Variants in BTRC observed in about 807,000 individuals in gnomAD.
BTRC encodes the protein beta-transducin repeat containing E3 ubiquitin protein ligase.
In BTRC, 42 loss-of-function variants were observed where a neutral mutation model predicts 85.5. The observed-to-expected ratio is 0.49, with a 90% confidence interval of 0.38 to 0.64. The LOEUF (loss-of-function observed/expected upper bound fraction) is 0.64, where lower values mean the gene tolerates loss of function less well. Ranked by LOEUF, BTRC falls within the 30% of genes least tolerant of loss-of-function variation. BTRC has a pLI of 0.00. For missense variants in BTRC, 594 were observed against 743.5 expected (o/e 0.80, Z 2.34); for synonymous variants, 255 against 263.3 (o/e 0.97, Z 0.30).
intron 2 of BTRC, among the ~76,000 whole-genome samples, chr10:101,441,713 C>T (rs1944682596): frequency 1.3e-5 from 2 of 151,864 alleles, no homozygotes; most frequent in Non-Finnish European, 2.9e-5. Flanking sequence ...AACCCAGTCA[C>T]TACTAAAAAT....
chr10:101,403,267 G>A (rs1189565599), intron 1 of BTRC, among the ~76,000 whole-genome samples: 2 of 152,128 alleles, frequency 1.3e-5, no homozygotes, highest in Admixed American at 1.3e-4. Context: ...AGTATTTTAA[G>A]GGTACAGAGA....
intron 4 of BTRC, among the ~76,000 whole-genome samples, chr10:101,503,969 T>G (rs1946454506): frequency 6.6e-6 from 1 of 152,206 alleles, no homozygotes; most frequent in Non-Finnish European, 1.5e-5. Context: ...ACTTTTTAAC[T>G]GTTTTACATG....
chr10:101,390,241 A>G (rs1178855621), intron 1 of BTRC, among the ~76,000 whole-genome samples: 6 of 151,940 alleles, frequency 3.9e-5, no homozygotes, highest in Non-Finnish European at 7.4e-5. Context: ...TAAACTGCCC[A>G]TCCTGCTTCC....
At chr10:101,505,252 C>T (rs915253315) in intron 4 of BTRC, among the ~76,000 whole-genome samples, 64 of 145,134 alleles carry the variant, frequency 4.4e-4, no homozygotes, top group Admixed American at 1.4e-3. Context: ...GATCCGCCTG[C>T]CTCAGCCTCC....
chr10:101,388,726 A>G (rs767096156), intron 1 of BTRC, among the ~76,000 whole-genome samples: 3 of 152,098 alleles, frequency 2.0e-5, no homozygotes, highest in Non-Finnish European at 4.4e-5. Context: ...CCTGGCCTCA[A>G]GCAATCTGCC....
intron 1 of BTRC, among the ~76,000 whole-genome samples, chr10:101,372,722 G>A (rs773218641): frequency 4.0e-5 from 6 of 151,522 alleles, no homozygotes; most frequent in Non-Finnish European, 8.8e-5. Flanking sequence ...AAAATTAGCC[G>A]GGCATGGTGG....
At chr10:101,356,071 T>C (rs932269864) in intron 1 of BTRC, among the ~76,000 whole-genome samples, 1 of 152,152 alleles carries the variant, frequency 6.6e-6, no homozygotes, top group Non-Finnish European at 1.5e-5. Context: ...CAGGCTGGAG[T>C]GCAGTGGTGC....
intron 2 of BTRC, among the ~76,000 whole-genome samples, chr10:101,430,842 CTTA>C (rs1228654576): frequency 6.6e-6 from 1 of 152,040 alleles, no homozygotes; most frequent in Non-Finnish European, 1.5e-5. Flanking sequence ...TGAACATTTT[CTTA>C]TTTTTTTTAA....
intron 1 of BTRC, among the ~76,000 whole-genome samples, chr10:101,386,326 T>G (rs1943078728): frequency 2.6e-5 from 4 of 152,214 alleles, no homozygotes; most frequent in Non-Finnish European, 4.4e-5. Context: ...CTCTGTTCTG[T>G]CAAGGTCAGC....
chr10:101,465,354 ATTG>A, intron 3 of BTRC, among the ~76,000 whole-genome samples: 1 of 152,322 alleles, frequency 6.6e-6, no homozygotes, highest in African/African-American at 2.4e-5. Context: ...GCGTTTTGCC[ATTG>A]TTGATAGGAC....
In BTRC at chr10:101,544,604, T is replaced by C. The variant is rs571620934; in HGVS notation, c.1657-6095T>C. Among the ~76,000 whole-genome samples the C allele has an allele frequency of 1.1e-4, 17 of 152,160 alleles. No homozygotes were observed. The East Asian group carries it at 3.1e-3, about 28-fold the overall frequency. On this transcript the variant is annotated intron_variant, in intron 13 of 14. Transcript: ENST00000370187. The stretch of plus-strand genomic sequence containing the variant: ...TTATTTTTTTAGAGATAGGGTCTCA[T>C]TGTGTTGCCCAGACTGGTCTTGAAC...
chr10:101,459,140 A>T lies in BTRC; in HGVS notation c.157-2841A>T, dbSNP rs77699805. ...GCACCCAATGATGATTCTTCCTTATATTAATCACTTATCCTTAAATAGAAT... is the reference window on the plus strand; with the variant it reads ...GCACCCAATGATGATTCTTCCTTATTTTAATCACTTATCCTTAAATAGAAT... On this transcript the variant is annotated intron_variant, in intron 2 of 14. Transcript: ENST00000370187. Among the ~76,000 whole-genome samples the T allele has an allele frequency of 1.3e-3, 201 of 152,324 alleles. 6 individuals are homozygous for T. The East Asian group carries it at 0.035, about 26-fold the overall frequency.
At chr10:101,356,867 C>T (rs953596160) in intron 1 of BTRC, among the ~76,000 whole-genome samples, 1 of 152,188 alleles carries the variant, frequency 6.6e-6, no homozygotes, top group South Asian at 2.1e-4. Flanking sequence ...TGCGGTGGCT[C>T]ATGCCTGTAA....
chr10:101,464,722 A>C (rs1945327252), intron 3 of BTRC, among the ~76,000 whole-genome samples: 1 of 152,202 alleles, frequency 6.6e-6, no homozygotes, highest in Non-Finnish European at 1.5e-5. Flanking sequence ...AATGGCCTTT[A>C]GAAACAGGGA....
chr10:101,422,006 C>A (rs1327518554), intron 1 of BTRC, among the ~76,000 whole-genome samples: 2 of 152,080 alleles, frequency 1.3e-5, no homozygotes, highest in African/African-American at 2.4e-5. Flanking sequence ...ATGGCTGGGT[C>A]AAATGGTATT....
rs34955428 is a variant in BTRC, at chr10:101,438,422, C to CAAAAAA, written c.156+7993_156+7998dup. Among the ~76,000 whole-genome samples the CAAAAAA allele has an allele frequency of 3.3e-4, 19 of 57,776 alleles. 3 individuals carry two copies. Among genetic ancestry groups the CAAAAAA allele is most frequent in the Non-Finnish European group, 4.8e-4 (17 of 35,382 alleles). 37.9% of individuals were successfully genotyped at this position (57,776 alleles called of 152,430 possible). A position where few individuals can be genotyped will look rare whatever the true frequency, so the allele number is the denominator to read the frequency against. On this transcript the variant is annotated intron_variant, in intron 2 of 14. Coordinates refer to ENST00000370187, the MANE Select transcript of BTRC (RefSeq NM_033637.4). Reference sequence around the variant, plus strand: ...CCTGGGCGACAGAGCGAGACTGCCTCAAAAAAAAAAAAAAAAAAAAAAAAA... The same window carrying CAAAAAA: ...CCTGGGCGACAGAGCGAGACTGCCTCAAAAAAAAAAAAAAAAAAAAAAAAAAAAAAA...
At chr10:101,532,806 G>T in intron 8 of BTRC, 146 bp from the exon 9 acceptor site, 1 of 663,060 alleles carries the variant, frequency 1.5e-6, no homozygotes, top group Non-Finnish European at 2.7e-6. Flanking sequence ...GTGCGCGCGC[G>T]CGCGCTTAGC....
At chr10:101,417,289 G>A (rs184737106) in intron 1 of BTRC, among the ~76,000 whole-genome samples, 14 of 152,220 alleles carry the variant, frequency 9.2e-5, no homozygotes, top group African/African-American at 3.1e-4. Context: ...CTTTAGTCTC[G>A]TTTACTCTGG....
At chr10:101,540,888 G>A (rs1012286598) in intron 13 of BTRC, among the ~76,000 whole-genome samples, 1 of 152,062 alleles carries the variant, frequency 6.6e-6, no homozygotes, top group African/African-American at 2.4e-5. Flanking sequence ...ATTTGTTTAG[G>A]TCTTTTTAAC....
Sources: allele counts gnomAD v4.1 joint callset (sites outside exome capture counted in the v4.1 genomes callset), GRCh38; gene constraint gnomAD v4.1.1; transcripts MANE v1.5; gene names NCBI Gene and HGNC (gene_info 2026-07-23, HGNC 2026-07-21).